DNM3: variants seen among roughly 807,000 people sequenced by gnomAD.
The protein encoded by DNM3 is dynamin 3.
A neutral mutation model predicts 101.6 loss-of-function variants in DNM3; 47 were observed. The observed-to-expected ratio is 0.46, with a 90% CI of 0.37 to 0.59. The LOEUF is 0.59. Among genes scored for constraint, DNM3 ranks in the 20% least tolerant of loss-of-function variants. The pLI is 0.00. For missense variants in DNM3, 849 were observed against 1,085.7 expected, an observed-to-expected ratio of 0.78 and a Z score of 3.06; for synonymous variants, 385 against 387.9, an observed-to-expected ratio of 0.99 and a Z score of 0.09.
intron 1 of DNM3, among the ~76,000 whole-genome samples, chr1:171,892,493 T>C (rs1450456980): frequency 6.6e-6 from 1 of 152,246 alleles, no homozygotes; most frequent in Non-Finnish European, 1.5e-5. Flanking sequence ...AAGCTAAATA[T>C]GAGTTTAGAC....
intron 14 of DNM3, among the ~76,000 whole-genome samples, chr1:172,151,897 T>G (rs930038915): frequency 6.6e-6 from 1 of 152,052 alleles, no homozygotes; most frequent in Non-Finnish European, 1.5e-5. Context: ...TTTGTTTGTT[T>G]GTTTGAAACA....
At chr1:171,966,839 C>A (rs905251126) in intron 2 of DNM3, among the ~76,000 whole-genome samples, 1 of 152,164 alleles carries the variant, frequency 6.6e-6, no homozygotes, top group African/African-American at 2.4e-5. Flanking sequence ...TGTGTAACCT[C>A]TATAACCTGG....
At chr1:172,064,679 T>C (rs922770514) in intron 10 of DNM3, among the ~76,000 whole-genome samples, 1 of 152,080 alleles carries the variant, frequency 6.6e-6, no homozygotes, top group Non-Finnish European at 1.5e-5. Flanking sequence ...TATATATATT[T>C]ATATATTTTA....
intron 1 of DNM3, among the ~76,000 whole-genome samples, chr1:171,884,500 T>C (rs2036593405): frequency 6.6e-6 from 1 of 152,222 alleles, no homozygotes; most frequent in South Asian, 2.1e-4. Context: ...TTATATGCAT[T>C]AGATCCATTT....
At chr1:171,913,999 A>T (rs947596333) in intron 1 of DNM3, among the ~76,000 whole-genome samples, 5 of 152,046 alleles carry the variant, frequency 3.3e-5, no homozygotes, top group Non-Finnish European at 7.4e-5. Flanking sequence ...CATGTTGCTC[A>T]GGCTGGTCTG....
intron 12 of DNM3, among the ~76,000 whole-genome samples, chr1:172,089,724 T>C (rs923494936): frequency 1.3e-5 from 2 of 152,248 alleles, no homozygotes; most frequent in African/African-American, 4.8e-5. Flanking sequence ...AATCTACTTT[T>C]CCTTTGGCAT....
chr1:172,396,981 A>T (rs1476954764), intron 20 of DNM3, among the ~76,000 whole-genome samples: 1 of 152,080 alleles, frequency 6.6e-6, no homozygotes, highest in Non-Finnish European at 1.5e-5. Context: ...TATTTTTTTA[A>T]GTTTATATTA....
intron 4 of DNM3, among the ~76,000 whole-genome samples, chr1:172,030,343 T>C (rs1342569300): frequency 1.3e-5 from 2 of 152,174 alleles, no homozygotes; most frequent in Non-Finnish European, 2.9e-5. Flanking sequence ...TTGGGAAAAC[T>C]GGCTAGCCAT....
chr1:171,965,723 A>G, intron 2 of DNM3, among the ~76,000 whole-genome samples: 2 of 152,184 alleles, frequency 1.3e-5, no homozygotes, highest in Middle Eastern at 6.8e-3. Context: ...AACAATCTTG[A>G]AGCTGTCTGA....
At chr1:171,844,658 C>CTTGCA (rs1240196678) in intron 1 of DNM3, among the ~76,000 whole-genome samples, 1 of 152,168 alleles carries the variant, frequency 6.6e-6, no homozygotes, top group African/African-American at 2.4e-5. Context: ...AAGTGATGAA[C>CTTGCA]TTGCATATTA....
intron 17 of DNM3, among the ~76,000 whole-genome samples, chr1:172,349,027 G>T (rs540027079): frequency 1.3e-5 from 2 of 152,020 alleles, no homozygotes; most frequent in Non-Finnish European, 2.9e-5. Flanking sequence ...ACCTTCTCTG[G>T]CAACCTTCTG....
intron 14 of DNM3, among the ~76,000 whole-genome samples, chr1:172,198,056 G>C (rs1043229891): frequency 6.6e-6 from 1 of 151,956 alleles, no homozygotes; most frequent in Non-Finnish European, 1.5e-5. Context: ...GTCACAAATG[G>C]CTTTTATTGT....
chr1:172,378,943 T>C (rs771467725), intron 17 of DNM3, 75 bp from the exon 18 acceptor site: 11 of 1,465,306 alleles, frequency 7.5e-6, no homozygotes, highest in Non-Finnish European at 9.2e-6. Flanking sequence ...AAGTTGATAA[T>C]CTGATAACGA....
At chr1:171,953,305 T>A (rs1266694003) in intron 2 of DNM3, among the ~76,000 whole-genome samples, 1 of 152,216 alleles carries the variant, frequency 6.6e-6, no homozygotes, top group Non-Finnish European at 1.5e-5. Flanking sequence ...ATTAAGATAA[T>A]TACATTTATG....
At chr1:172,404,335 T>C (rs998688901) in intron 20 of DNM3, among the ~76,000 whole-genome samples, 3 of 132,400 alleles carry the variant, frequency 2.3e-5, no homozygotes, top group African/African-American at 7.4e-5. Flanking sequence ...GTTATCCTGA[T>C]TGACTGATTT....
intron 14 of DNM3, among the ~76,000 whole-genome samples, chr1:172,196,044 C>A (rs2059935339): frequency 6.6e-6 from 1 of 151,572 alleles, no homozygotes; most frequent in Non-Finnish European, 1.5e-5. Context: ...CTTTTTTGCT[C>A]ATCTCCCTCT....
chr1:171,932,993 C>CA (rs1553304701), intron 2 of DNM3, among the ~76,000 whole-genome samples: 4 of 151,586 alleles, frequency 2.6e-5, no homozygotes, highest in African/African-American at 7.3e-5. Flanking sequence ...ACCATTCCTT[C>CA]TTTTTTTTTC....
rs61806066 is a variant in DNM3, at chr1:172,309,158, C to T, written c.1881+319C>T. ...ATTTTTCTCTATATGCTTTTTCATA[C>T]TTATCATGGTATTAATACAATCAGT... On this transcript the variant is annotated intron_variant, in intron 16 of 20. Transcript: ENST00000627582. The T allele has an allele frequency of 4.2e-3, 1,099 of 258,978 alleles. 3 individuals carry two copies. Among genetic ancestry groups the T allele is most frequent in the Non-Finnish European group, 5.8e-3 (798 of 138,474 alleles). 16.0% of individuals were successfully genotyped at this position (258,978 alleles called of 1,614,324 possible).
In DNM3 at chr1:172,410,928, C is replaced by CATTTTCT; in HGVS notation, c.*3090_*3096dup. Reference sequence around the variant, plus strand: ...TGTTGATGTTTTCTGTGTACAAACACATTTTCTATGCATGTGTCTCTGTGT... The same window carrying CATTTTCT: ...TGTTGATGTTTTCTGTGTACAAACACATTTTCTATTTTCTATGCATGTGTCTCTGTGT... On this transcript the variant is annotated 3_prime_UTR_variant, in exon 21 of 21. Transcript: ENST00000627582. 1.0e-6 allele frequency: 1 copy of CATTTTCT among 985,228 alleles called. No individual in the cohort carries two copies. The highest frequency in any genetic ancestry group is 5.2e-4 in the Middle Eastern group (1 of 1,914). The allele number at this position is 985,228 out of a possible 1,614,324, so 61.0% of individuals were successfully genotyped here. A position where few individuals can be genotyped will look rare whatever the true frequency, so the allele number is the denominator to read the frequency against.
Sources: gnomAD v4.1 joint callset for allele counts (sites outside exome capture counted in the v4.1 genomes callset) on GRCh38, gnomAD v4.1.1 for gene constraint, MANE v1.5 for transcripts, NCBI Gene and HGNC (gene_info 2026-07-23, HGNC 2026-07-21) for gene names.